Variants in RFX2 observed in about 807,000 individuals in gnomAD.
The protein encoded by RFX2 is regulatory factor X2.
Under a neutral mutation model 87.8 loss-of-function variants are expected in RFX2, and 20 were observed. The ratio of observed to expected loss-of-function variants is 0.23; its 90% CI spans 0.16 to 0.33. RFX2 has a LOEUF of 0.33. Ranked by LOEUF, RFX2 falls within the 10% of genes least tolerant of loss-of-function variation. The probability of loss-of-function intolerance (pLI) is 1.00; values close to 1 mark genes in which losing one functional copy is unlikely to be tolerated. For synonymous variants in RFX2, 397 were observed against 431.3 expected (o/e 0.92, Z 0.98); for missense variants, 767 against 1,012.3 (o/e 0.76, Z 3.29).
Position 6,039,156 on chromosome 19 carries a change from A to G in RFX2, c.522+824T>C, listed in dbSNP as rs1436137962. Among the ~76,000 whole-genome samples, 3 of 152,270 alleles carry G rather than the reference A, an allele frequency of 2.0e-5. No individual in the cohort carries two copies. Among genetic ancestry groups the G allele is most frequent in the Admixed American group, 2.0e-4 (3 of 15,290 alleles). ...AAAAAAAAGCAACTCGGATTCATGC[A>G]GCAACTTGACTGAATCTCAAAGGCA... On this transcript the variant is annotated intron_variant, in intron 5 of 17. Coordinates refer to ENST00000303657, the MANE Select transcript of RFX2 (RefSeq NM_000635.4). This position sits in a 1 kb window ranked among gnomAD's most constrained non-coding sequence, Gnocchi z 5.2.
chr19:6,037,355 C>T (rs947536268), intron 5 of RFX2, among the ~76,000 whole-genome samples: 1 of 151,266 alleles, frequency 6.6e-6, no homozygotes, highest in Non-Finnish European at 1.5e-5. Flanking sequence ...AAAAATCAAC[C>T]ATTTTTTAAA....
At chr19:6,055,939 A>C (rs1259205513) in intron 1 of RFX2, among the ~76,000 whole-genome samples, 1 of 152,102 alleles carries the variant, frequency 6.6e-6, no homozygotes, top group Non-Finnish European at 1.5e-5. Context: ...CATTACGCTG[A>C]GTGAAAGAAG....
rs1317879760 is a variant in RFX2, at chr19:6,039,314, G to A, written c.522+666C>T. ...GTTGCCAAGGGCTGGGGATGGGGGA[G>A]GTTGTGACTGCCAAGAAATACCACG... On this transcript the variant is annotated intron_variant, in intron 5 of 17. Coordinates refer to ENST00000303657, the MANE Select transcript of RFX2 (RefSeq NM_000635.4). The surrounding 1 kb of genome is among the most constrained non-coding windows in gnomAD (Gnocchi z 5.2). Among the ~76,000 whole-genome samples, 2 of 152,204 alleles carry A rather than the reference G, an allele frequency of 1.3e-5. No individual in the cohort carries two copies. Among genetic ancestry groups the A allele is most frequent in the Admixed American group, 1.3e-4 (2 of 15,278 alleles).
At position 6,040,216 on chromosome 19, in the gene RFX2, C is replaced by G. The variant is rs1301547129; in HGVS notation, c.286G>C (p.Glu96Gln). ...CTGCTGGGGGCGTACATCTGAGGCT[C>G]GGGGTTGTAGGTGTAGGCTGTTCGT... Reference protein sequence around the residue: ...AIRTAYTYNPEPQMYAPSSTA... With the variant: ...AIRTAYTYNPQPQMYAPSSTA... The change falls in exon 5 of 18, where the codon GAG becomes CAG. Residue 96 changes from glutamate to glutamine, a missense_variant. Glu to Gln is a conservative substitution (Grantham distance 29, BLOSUM62 2). Coordinates refer to ENST00000303657, the MANE Select transcript of RFX2 (RefSeq NM_000635.4). The surrounding 1 kb of genome is among the most constrained non-coding windows in gnomAD (Gnocchi z 6.1). 1 of 1,581,126 alleles carries G rather than the reference C, an allele frequency of 6.3e-7. No individual in the cohort carries two copies. The highest frequency in any genetic ancestry group is 8.6e-7 in the Non-Finnish European group (1 of 1,156,464).
chr19:6,062,701 G>A (rs2087453885), intron 1 of RFX2, among the ~76,000 whole-genome samples: 1 of 152,168 alleles, frequency 6.6e-6, no homozygotes. Flanking sequence ...AGTCCCCGTG[G>A]GGAGTGACTG....
intron 2 of RFX2, among the ~76,000 whole-genome samples, chr19:6,046,425 AC>A (rs1468518078): frequency 6.6e-6 from 1 of 152,022 alleles, no homozygotes; most frequent in Non-Finnish European, 1.5e-5. Context: ...TACTAAAAAT[AC>A]AAAAATTAGC....
At chr19:6,055,283 G>A (rs2087320348) in intron 1 of RFX2, among the ~76,000 whole-genome samples, 1 of 151,570 alleles carries the variant, frequency 6.6e-6, no homozygotes, top group Non-Finnish European at 1.5e-5. Context: ...ACACTGGAAA[G>A]AGGTTTGGCA....
At chr19:6,033,167 C>T (rs886847746) in intron 5 of RFX2, among the ~76,000 whole-genome samples, 12 of 152,196 alleles carry the variant, frequency 7.9e-5, no homozygotes, top group Admixed American at 3.3e-4. Flanking sequence ...AGAGCCACTG[C>T]GCACTCTTAA....
intron 1 of RFX2, among the ~76,000 whole-genome samples, chr19:6,098,662 C>A (rs2043310481): frequency 6.6e-6 from 1 of 151,806 alleles, no homozygotes; most frequent in African/African-American, 2.4e-5. Flanking sequence ...TTCTCCTCAG[C>A]CTACTGGGAA....
At chr19:6,096,639 G>GGT (rs746639650) in intron 1 of RFX2, among the ~76,000 whole-genome samples, 1 of 152,036 alleles carries the variant, frequency 6.6e-6, no homozygotes, top group Non-Finnish European at 1.5e-5. Context: ...GTAGAGACGG[G>GGT]GTTTCACCAT....
At chr19:6,003,777 T>TGAAAAAAAA (rs1318446976) in intron 13 of RFX2, among the ~76,000 whole-genome samples, 1 of 32,836 alleles carries the variant, frequency 3.0e-5, no homozygotes, top group African/African-American at 1.5e-4. Flanking sequence ...AGACTCTGTC[T>TGAAAAAAAA]CAAAAAAAAA....
Sources: allele counts gnomAD v4.1 joint callset (sites outside exome capture counted in the v4.1 genomes callset), GRCh38; gene constraint gnomAD v4.1.1; non-coding constraint Gnocchi (gnomAD v3.1); transcripts MANE v1.5; gene names NCBI Gene and HGNC (gene_info 2026-07-23, HGNC 2026-07-21).